The following AGFG1 variants were observed in gnomAD, a reference collection of about 807,000 sequenced individuals.
AGFG1 encodes arf-GAP domain and FG repeat-containing protein 1.
In AGFG1, 10 loss-of-function variants were observed where a neutral mutation model predicts 60.6. The observed-to-expected ratio is 0.16, with a 90% CI of 0.10 to 0.28. The LOEUF (loss-of-function observed/expected upper bound fraction) is 0.28. Among genes scored for constraint, AGFG1 ranks in the 10% least tolerant of loss-of-function variants. The pLI is 1.00. For missense variants in AGFG1, 537 were observed against 676.5 expected, an observed-to-expected ratio of 0.79 and a Z score of 2.29; for synonymous variants, 247 against 242.9, an observed-to-expected ratio of 1.02 and a Z score of -0.16.
At chr2:227,539,768 A>C (rs985190145) in intron 10 of AGFG1, among the ~76,000 whole-genome samples, 1 of 149,076 alleles carries the variant, frequency 6.7e-6, no homozygotes, top group Non-Finnish European at 1.5e-5. Flanking sequence ...AAAAAAAAAA[A>C]GGAGGTACCC....
intron 2 of AGFG1, among the ~76,000 whole-genome samples, chr2:227,515,972 C>T (rs1296787928): frequency 5.3e-5 from 8 of 152,172 alleles, no homozygotes; most frequent in Admixed American, 2.6e-4. Context: ...GTCACTGAAA[C>T]ACTGTCTGTG....
chr2:227,520,605 T>C (rs1230629931), intron 3 of AGFG1, among the ~76,000 whole-genome samples: 1 of 152,228 alleles, frequency 6.6e-6, no homozygotes, highest in Non-Finnish European at 1.5e-5. Flanking sequence ...ATCTATCAGA[T>C]GTTAATTTTT....
intron 2 of AGFG1, among the ~76,000 whole-genome samples, chr2:227,508,922 C>T (rs931308931): frequency 5.3e-5 from 8 of 152,056 alleles, no homozygotes; most frequent in African/African-American, 1.9e-4. Flanking sequence ...AGAATTTCAG[C>T]ATTCAGTGTG....
chr2:227,529,982 T>C (rs567960227), intron 5 of AGFG1, among the ~76,000 whole-genome samples: 2 of 152,196 alleles, frequency 1.3e-5, no homozygotes, highest in East Asian at 3.9e-4. Context: ...TTAAATACTA[T>C]ACAGATGAAA....
chr2:227,520,608 T>C (rs959802230), intron 3 of AGFG1, among the ~76,000 whole-genome samples: 18 of 152,370 alleles, frequency 1.2e-4, no homozygotes, highest in Admixed American at 9.8e-4. Flanking sequence ...TATCAGATGT[T>C]AATTTTTAAA....
intron 7 of AGFG1, 144 bp downstream of exon 7, chr2:227,533,902 T>G: frequency 1.4e-6 from 1 of 711,784 alleles, no homozygotes; most frequent in South Asian, 1.9e-5. Context: ...GAGTAAAATG[T>G]TCACTTGACA....
chr2:227,532,111 T>C (rs1184974145), intron 6 of AGFG1: 7 of 1,514,200 alleles, frequency 4.6e-6, no homozygotes, highest in Non-Finnish European at 6.2e-6. Context: ...TTAACTTTCA[T>C]CATTTACATA....
intron 10 of AGFG1, among the ~76,000 whole-genome samples, chr2:227,548,861 C>T (rs980270068): frequency 2.5e-4 from 38 of 151,698 alleles, no homozygotes; most frequent in Admixed American, 1.8e-3. Context: ...GGCGTGAACC[C>T]GGGAGGTGGA....
At chr2:227,513,677 A>G (rs2106197474) in intron 2 of AGFG1, among the ~76,000 whole-genome samples, 1 of 152,314 alleles carries the variant, frequency 6.6e-6, no homozygotes, top group Middle Eastern at 3.4e-3. Flanking sequence ...AAATTATCCA[A>G]ATTGACTGTG....
chr2:227,552,827 C>T (rs75848102), intron 11 of AGFG1, among the ~76,000 whole-genome samples: 1 of 151,210 alleles, frequency 6.6e-6, no homozygotes, highest in African/African-American at 2.4e-5. Flanking sequence ...CATAGAGAAA[C>T]CCCGTCTCTA....
At chr2:227,483,605 C>T (rs967718950) in intron 1 of AGFG1, among the ~76,000 whole-genome samples, 10 of 152,090 alleles carry the variant, frequency 6.6e-5, no homozygotes, top group Non-Finnish European at 1.3e-4. Flanking sequence ...TTTTTTCACT[C>T]AACATATTAT....
chr2:227,505,572 T>C (rs1486306967), intron 2 of AGFG1, among the ~76,000 whole-genome samples: 4 of 152,192 alleles, frequency 2.6e-5, no homozygotes, highest in South Asian at 2.1e-4. Flanking sequence ...TCTTCTGTTA[T>C]CTCTAAGCTC....
intron 1 of AGFG1, among the ~76,000 whole-genome samples, chr2:227,480,305 G>T (rs1419132738): frequency 1.3e-5 from 2 of 152,158 alleles, no homozygotes; most frequent in Non-Finnish European, 2.9e-5. Context: ...GTGTTTGTAA[G>T]TTATGGAGAA....
intron 11 of AGFG1, 135 bp from the exon 12 acceptor site, chr2:227,553,569 G>T (rs1228524626): frequency 4.7e-6 from 3 of 645,052 alleles, no homozygotes; most frequent in Admixed American, 2.7e-5. Context: ...AGAGCTTGAG[G>T]CCTAACAACT....
intron 10 of AGFG1, among the ~76,000 whole-genome samples, chr2:227,544,684 C>G (rs1300477181): frequency 6.6e-6 from 1 of 152,190 alleles, no homozygotes; most frequent in East Asian, 1.9e-4. Flanking sequence ...ATTTGCTTGT[C>G]TGTAAAGGAT....
At chr2:227,539,913 G>A (rs141177442) in intron 10 of AGFG1, among the ~76,000 whole-genome samples, 1,819 of 152,172 alleles carry the variant, frequency 0.012, 27 homozygotes, top group African/African-American at 0.022. Context: ...TTTGCTCACT[G>A]CAGCCTCTAC....
intron 6 of AGFG1, 43 bp from the exon 7 acceptor site, chr2:227,533,506 G>A (rs376473178): frequency 1.5e-5 from 23 of 1,553,860 alleles, no homozygotes; most frequent in Middle Eastern, 1.7e-4. Flanking sequence ...AGGGTACTAG[G>A]AAAAGCTTAG....
intron 5 of AGFG1, among the ~76,000 whole-genome samples, chr2:227,530,284 T>C (rs185468737): frequency 1.7e-3 from 261 of 152,278 alleles, no homozygotes; most frequent in Non-Finnish European, 2.9e-3. Context: ...ATTACTGAAT[T>C]TATTAGTGTT....
chr2:227,540,162 C>A (rs1692443595), intron 10 of AGFG1, among the ~76,000 whole-genome samples: 5 of 150,334 alleles, frequency 3.3e-5, no homozygotes, highest in African/African-American at 1.2e-4. Context: ...TTTAAATAAT[C>A]ATTTTTTCTG....
Sources: gnomAD v4.1 joint callset for allele counts (sites outside exome capture counted in the v4.1 genomes callset) on GRCh38, gnomAD v4.1.1 for gene constraint, MANE v1.5 for transcripts, NCBI Gene and HGNC (gene_info 2026-07-23, HGNC 2026-07-21) for gene names.